USP25: variants seen among roughly 807,000 people sequenced by gnomAD.
The protein encoded by USP25 is ubiquitin carboxyl-terminal hydrolase 25.
A neutral mutation model predicts 158.5 loss-of-function variants in USP25; 85 were observed. The ratio of observed to expected loss-of-function variants is 0.54; its 90% CI spans 0.45 to 0.64. The LOEUF (loss-of-function observed/expected upper bound fraction) is 0.64, where lower values mean the gene tolerates loss of function less well. Among genes scored for constraint, USP25 ranks in the 30% least tolerant of loss-of-function variants. The pLI, the probability that USP25 is intolerant of heterozygous loss-of-function variation, is 0.00. For missense variants in USP25, 1,242 were observed against 1,327.3 expected, an observed-to-expected ratio of 0.94 and a Z score of 1.00; for synonymous variants, 464 against 460.4, an observed-to-expected ratio of 1.01 and a Z score of -0.10.
intron 1 of USP25, among the ~76,000 whole-genome samples, chr21:15,757,899 C>T (rs1339705947): frequency 6.6e-6 from 1 of 152,088 alleles, no homozygotes; most frequent in Non-Finnish European, 1.5e-5. Context: ...GATTTATATT[C>T]GTGTTTGTAT....
rs765324542 is a variant in USP25 at position 15,816,113 on chromosome 21, C to T, written c.932-2585C>T. On this transcript the variant is annotated intron_variant, in intron 9 of 25. Coordinates refer to ENST00000400183, the MANE Select transcript of USP25 (RefSeq NM_001283041.3). This position sits in a 1 kb window ranked among gnomAD's most constrained non-coding sequence, Gnocchi z 4.0. ...CCACATGTTGTGGGAGGGACCCAGG[C>T]GGAGGTAACTGAATCATGGTGGGGC... Among the ~76,000 whole-genome samples, 29 of 152,108 alleles carry T rather than the reference C, an allele frequency of 1.9e-4. No individual in the cohort carries two copies. Among genetic ancestry groups the T allele is most frequent in the Admixed American group, 2.6e-4 (4 of 15,274 alleles).
intron 8 of USP25, among the ~76,000 whole-genome samples, chr21:15,809,153 G>A (rs898109533): frequency 2.0e-5 from 3 of 152,112 alleles, no homozygotes; most frequent in South Asian, 2.1e-4. Flanking sequence ...ATGAATTTGC[G>A]GTGGAGAAAG....
intron 23 of USP25, among the ~76,000 whole-genome samples, chr21:15,873,686 T>C (rs1000412879): frequency 1.3e-5 from 2 of 151,038 alleles, no homozygotes; most frequent in African/African-American, 2.4e-5. Context: ...AGAGGCGGGG[T>C]TTCTCCATGT....
rs1384578426 is a variant in USP25, at chr21:15,824,528, CTCTG to C, written c.1208+366_1208+369del. The stretch of plus-strand genomic sequence containing the variant: ...TATCTTTCTGTCTTTCTTTCTGTCT[CTCTG>C]TCTTCCTGTCTTTCTGTCTTCCTGT... On this transcript the variant is annotated intron_variant, in intron 11 of 25. Transcript: ENST00000400183. 2.0e-5 allele frequency among the ~76,000 whole-genome samples: 3 copies of C among 152,024 alleles called. No homozygotes were observed. The East Asian group carries it at 5.8e-4, about 29-fold the overall frequency.
chr21:15,856,758 AC>A (rs774687779), intron 20 of USP25, among the ~76,000 whole-genome samples: 33 of 152,328 alleles, frequency 2.2e-4, no homozygotes, highest in Non-Finnish European at 4.4e-4. Flanking sequence ...GGCGTGAGCC[AC>A]CGCACCCGGC....
In USP25 at chr21:15,762,916, T is replaced by G. The variant is rs1194608497; in HGVS notation, c.71T>G (p.Leu24Arg). The change falls in exon 2 of 26, where the codon CTG becomes CGG. Residue 24 changes from leucine (L) to arginine (R), a missense_variant. Physicochemically the swap from Leu to Arg is moderately radical, Grantham distance 102 (BLOSUM62 -2). Around this residue, in one of 3 missense-constraint regions of USP25, gnomAD observed 627 missense variants for 701.4 expected, o/e 0.89. Coordinates refer to ENST00000400183, the MANE Select transcript of USP25 (RefSeq NM_001283041.3). ...CACCAGCAGACGTTTTTGAATCAACTGAGAGAAATTACGGGGATTAATGAC... is the reference window on the plus strand; with the variant it reads ...CACCAGCAGACGTTTTTGAATCAACGGAGAGAAATTACGGGGATTAATGAC... ...QKHQQTFLNQ[L>R]REITGINDTQ... The G allele has an allele frequency of 5.0e-6, 8 of 1,612,956 alleles. No individual in the cohort carries two copies.
chr21:15,764,809 C>T lies in USP25; in HGVS notation c.124-1188C>T, dbSNP rs1199020546. On this transcript the variant is annotated intron_variant, in intron 2 of 25. Transcript: ENST00000400183. ...ATCGTCTAATGATCATGACAGATAG[C>T]ATTTTTGAAAGTGGTGGTGCCTTTG... Among the ~76,000 whole-genome samples, 3 of 152,150 alleles carry T rather than the reference C, an allele frequency of 2.0e-5. No homozygotes were observed. The South Asian group carries it at 6.2e-4, about 32-fold the overall frequency.
At chr21:15,852,325 A>G (rs1054999166) in intron 20 of USP25, among the ~76,000 whole-genome samples, 6 of 151,932 alleles carry the variant, frequency 3.9e-5, no homozygotes, top group Admixed American at 3.3e-4. Flanking sequence ...GAAGTAGTTT[A>G]TATGTTGATA....
chr21:15,864,815 T>A (rs887468000), intron 21 of USP25, among the ~76,000 whole-genome samples: 4 of 152,238 alleles, frequency 2.6e-5, no homozygotes, highest in African/African-American at 9.6e-5. Flanking sequence ...ATAATATCCC[T>A]CATCTCTTCG....
At chr21:15,764,630 A>G (rs1180825215) in intron 2 of USP25, among the ~76,000 whole-genome samples, 1 of 152,140 alleles carries the variant, frequency 6.6e-6, no homozygotes, top group Non-Finnish European at 1.5e-5. Context: ...GTTTTAAATT[A>G]TTATATGAGG....
Position 15,818,624 on chromosome 21 carries a change from G to A in USP25, c.932-74G>A, listed in dbSNP as rs998870920. The A allele has an allele frequency of 2.3e-5, 31 of 1,330,620 alleles. No individual in the cohort carries two copies. In the African/African-American group the frequency reaches 3.8e-4, roughly 16 times the overall value. The allele number at this position is 1,330,620 out of a possible 1,614,324, so 82.4% of individuals were successfully genotyped here. On this transcript the variant is annotated intron_variant, in intron 9 of 25. Coordinates refer to ENST00000400183, the MANE Select transcript of USP25 (RefSeq NM_001283041.3). Reference sequence around the variant, plus strand: ...TGTTACAATTTTCAGGTTCAGGTGAGAATCCTTACGTACTCTTAATTTTAG... The same window carrying A: ...TGTTACAATTTTCAGGTTCAGGTGAAAATCCTTACGTACTCTTAATTTTAG...
intron 20 of USP25, 51 bp from the exon 21 acceptor site, chr21:15,864,217 T>G: frequency 6.4e-7 from 1 of 1,552,806 alleles, no homozygotes; most frequent in Non-Finnish European, 8.7e-7. Flanking sequence ...TGAAGGATTT[T>G]TTGGTGTTCA....
intron 3 of USP25, among the ~76,000 whole-genome samples, chr21:15,777,063 T>C (rs553985190): frequency 5.9e-5 from 9 of 152,262 alleles, no homozygotes; most frequent in African/African-American, 1.7e-4. Flanking sequence ...TCATCTGGGT[T>C]AGGGAAATTG....
intron 3 of USP25, among the ~76,000 whole-genome samples, chr21:15,769,168 C>T (rs73183708): frequency 6.6e-6 from 1 of 152,056 alleles, no homozygotes; most frequent in Non-Finnish European, 1.5e-5. Flanking sequence ...TATTATGTCA[C>T]TGGATTTGAA....
intron 14 of USP25, among the ~76,000 whole-genome samples, chr21:15,828,220 AT>A (rs1238630734): frequency 6.6e-6 from 1 of 152,170 alleles, no homozygotes; most frequent in Non-Finnish European, 1.5e-5. Flanking sequence ...TTTCTTTAGT[AT>A]TTTTCAAATA....
At chr21:15,866,204 T>A (rs2039649126) in intron 21 of USP25, 62 bp from the exon 22 acceptor site, 2 of 322,798 alleles carry the variant, frequency 6.2e-6, no homozygotes, top group Admixed American at 6.3e-5. Flanking sequence ...GATTTACAAA[T>A]ATATATATAT....
At chr21:15,767,320 A>C (rs960832434) in intron 3 of USP25, among the ~76,000 whole-genome samples, 2 of 151,950 alleles carry the variant, frequency 1.3e-5, no homozygotes, top group African/African-American at 4.8e-5. Flanking sequence ...CCCTAGCCTA[A>C]TTTGTTCTGG....
intron 8 of USP25, among the ~76,000 whole-genome samples, chr21:15,809,858 A>T (rs1346618477): frequency 6.6e-6 from 1 of 152,054 alleles, no homozygotes; most frequent in Non-Finnish European, 1.5e-5. Flanking sequence ...GTGTAACATG[A>T]CCCCTTGAAG....
At chr21:15,864,731 C>A (rs1733012240) in intron 21 of USP25, among the ~76,000 whole-genome samples, 1 of 152,104 alleles carries the variant, frequency 6.6e-6, no homozygotes, top group Admixed American at 6.6e-5. Flanking sequence ...GCTTCTCAAC[C>A]TCTGTACTAT....
Sources: allele counts gnomAD v4.1 joint callset (sites outside exome capture counted in the v4.1 genomes callset), GRCh38; gene constraint gnomAD v4.1.1; regional missense constraint gnomAD v4.1.1; non-coding constraint Gnocchi (gnomAD v3.1); transcripts MANE v1.5; gene names NCBI Gene and HGNC (gene_info 2026-07-23, HGNC 2026-07-21).